Variants in PAFAH1B1 observed in about 807,000 individuals in gnomAD.
PAFAH1B1 encodes the protein platelet-activating factor acetylhydrolase IB subunit beta.
A neutral mutation model predicts 57.5 loss-of-function variants in PAFAH1B1; 2 were observed. The ratio of observed to expected loss-of-function variants is 0.03; its 90% CI spans 0.01 to 0.11. The LOEUF is 0.11. Ranked by LOEUF, PAFAH1B1 falls within the 10% of genes least tolerant of loss-of-function variation. The pLI is 1.00. For synonymous variants in PAFAH1B1, 152 were observed against 169.6 expected, an observed-to-expected ratio of 0.90 and a Z score of 0.81; for missense variants, 257 against 512.0, an observed-to-expected ratio of 0.50 and a Z score of 4.81.
chr17:2,670,339 G>A lies in PAFAH1B1; in HGVS notation c.568+8G>A, dbSNP rs746076254. 8.1e-6 allele frequency: 13 copies of A among 1,608,824 alleles called. No individual in the cohort carries two copies. Among genetic ancestry groups the A allele is most frequent in the Non-Finnish European group, 1.1e-5 (13 of 1,175,280 alleles). On this transcript the variant is annotated splice_region_variant and intron_variant, in intron 6 of 10. Coordinates refer to ENST00000397195, the MANE Select transcript of PAFAH1B1 (RefSeq NM_000430.4). ...GCATCAGAACCATGCACGGTAAGGG[G>A]TAGAGGATAGTGCTTTAACAGTAAT...
At chr17:2,623,283 T>C (rs1251428173) in intron 1 of PAFAH1B1, among the ~76,000 whole-genome samples, 103 of 68,662 alleles carry the variant, frequency 1.5e-3, no homozygotes, top group Admixed American at 2.3e-3. Context: ...TTTTTTTTTT[T>C]CCCTGAGAGG....
chr17:2,649,301 A>C (rs1312177609), intron 2 of PAFAH1B1, among the ~76,000 whole-genome samples: 2 of 151,858 alleles, frequency 1.3e-5, no homozygotes, highest in Non-Finnish European at 2.9e-5. Context: ...GGCCAGGTGC[A>C]GTGGCTCACA....
intron 2 of PAFAH1B1, among the ~76,000 whole-genome samples, chr17:2,646,769 G>T (rs1374294368): frequency 1.3e-5 from 2 of 152,200 alleles, no homozygotes; most frequent in Non-Finnish European, 2.9e-5. Context: ...ATTAAATATA[G>T]AGAACATTGT....
intron 2 of PAFAH1B1, among the ~76,000 whole-genome samples, chr17:2,645,266 C>A (rs1425390462): frequency 1.3e-5 from 2 of 151,920 alleles, no homozygotes; most frequent in Non-Finnish European, 2.9e-5. Context: ...CAAAAGTGTT[C>A]TTCAAGCAAA....
At chr17:2,658,738 AC>A (rs2068972979) in intron 2 of PAFAH1B1, among the ~76,000 whole-genome samples, 1 of 152,194 alleles carries the variant, frequency 6.6e-6, no homozygotes, top group Non-Finnish European at 1.5e-5. Flanking sequence ...CTCTTGCTGA[AC>A]TTGTACTTGT....
intron 1 of PAFAH1B1, among the ~76,000 whole-genome samples, chr17:2,631,436 T>G (rs1789328049): frequency 6.6e-6 from 1 of 152,148 alleles, no homozygotes; most frequent in African/African-American, 2.4e-5. Flanking sequence ...AGAGAATTCC[T>G]TCTCCCTGTG....
chr17:2,664,694 T>TCTCTCTCTCTCTCTCTCTCTCTCTC (rs1567554200), intron 2 of PAFAH1B1, among the ~76,000 whole-genome samples: 1 of 114,460 alleles, frequency 8.7e-6, no homozygotes, highest in Non-Finnish European at 2.0e-5. Context: ...CTCTCTCTCT[T>TCTCTCTCTCTCTCTCTCTCTCTCTC]TCTCTCTCCA....
intron 1 of PAFAH1B1, among the ~76,000 whole-genome samples, chr17:2,624,646 G>C (rs8074698): frequency 0.42 from 64,261 of 152,000 alleles, 16,170 homozygotes; most frequent in African/African-American, 0.71. Context: ...GTTACCTCCC[G>C]CTGGGTCCCT....
At chr17:2,676,803 A>G (rs921868668) in intron 9 of PAFAH1B1, among the ~76,000 whole-genome samples, 197 bp downstream of exon 9, 2 of 152,232 alleles carry the variant, frequency 1.3e-5, no homozygotes, top group Admixed American at 6.5e-5. Context: ...GATTCTATAA[A>G]GAATCTGTAG....
intron 2 of PAFAH1B1, among the ~76,000 whole-genome samples, chr17:2,652,327 A>C (rs1032401180): frequency 2.0e-5 from 3 of 152,166 alleles, no homozygotes; most frequent in Admixed American, 6.5e-5. Flanking sequence ...AGGCAGGAGA[A>C]TGGCGTGAAC....
At position 2,685,103 on chromosome 17, in the gene PAFAH1B1, A is replaced by C. The variant is rs2069455046; in HGVS notation, c.*3301A>C. The C allele has an allele frequency of 6.9e-6, 1 of 145,780 alleles. No homozygotes were observed. Among genetic ancestry groups the C allele is most frequent in the Non-Finnish European group, 1.5e-5 (1 of 67,336 alleles). 9.0% of individuals were successfully genotyped at this position (145,780 alleles called of 1,614,324 possible). ...TGTGTTCATCTAGATGACGCAAAGA[A>C]TCTCCTGGTAGAGAAGCGACATGTA... On this transcript the variant is annotated 3_prime_UTR_variant, in exon 11 of 11. Transcript: ENST00000397195.
chr17:2,593,590 G>GGGCGGCGGCGGCGGCGGCGGCGGCGGC (rs552674446), upstream of PAFAH1B1, among the ~76,000 whole-genome samples: 103 of 148,770 alleles, frequency 6.9e-4, no homozygotes, highest in Non-Finnish European at 1.2e-3. Flanking sequence ...GGCGGGTCTG[G>GGGCGGCGGCGGCGGCGGCGGCGGCGGC]GGCGGCGGCG....
Position 2,670,307 on chromosome 17 carries a change from T to G in PAFAH1B1, c.544T>G (p.Phe182Val). The change falls in exon 6 of 11, where the codon TTT becomes GTT. Residue 182 changes from phenylalanine (F) to valine (V), a missense_variant. Physicochemically the swap from Phe to Val is conservative, Grantham distance 50. Coordinates refer to ENST00000397195, the MANE Select transcript of PAFAH1B1 (RefSeq NM_000430.4). ...MTIKLWDFQGFECIRTMHGHD... is the reference protein window; with the variant it reads ...MTIKLWDFQGVECIRTMHGHD... ...CATTAAACTATGGGATTTTCAGGGCTTTGAATGCATCAGAACCATGCACGG... is the reference window on the plus strand; with the variant it reads ...CATTAAACTATGGGATTTTCAGGGCGTTGAATGCATCAGAACCATGCACGG... The G allele has an allele frequency of 6.2e-7, 1 of 1,614,164 alleles. No individual in the cohort carries two copies. Among genetic ancestry groups the G allele is most frequent in the Non-Finnish European group, 8.5e-7 (1 of 1,179,986 alleles).
At chr17:2,619,749 A>G (rs1046541279) in intron 1 of PAFAH1B1, among the ~76,000 whole-genome samples, 5 of 152,184 alleles carry the variant, frequency 3.3e-5, no homozygotes, top group South Asian at 2.1e-4. Flanking sequence ...AGGCTTAATG[A>G]GGAAACTGGG....
At chr17:2,601,037 T>A (rs2068137543) in intron 1 of PAFAH1B1, among the ~76,000 whole-genome samples, 1 of 152,176 alleles carries the variant, frequency 6.6e-6, no homozygotes, top group African/African-American at 2.4e-5. Flanking sequence ...TGGCCTTGGT[T>A]AACTTTTTAT....
chr17:2,667,496 GC>G (rs894168267), intron 5 of PAFAH1B1: 1 of 345,222 alleles, frequency 2.9e-6, no homozygotes, highest in Non-Finnish European at 5.6e-6. Flanking sequence ...GAGGCATGCT[GC>G]CAGGTAAGTT....
intron 1 of PAFAH1B1, among the ~76,000 whole-genome samples, chr17:2,622,244 A>C (rs1318707581): frequency 6.6e-6 from 1 of 152,198 alleles, no homozygotes. Context: ...GCAGTCCTGC[A>C]AAGTCTTAAC....
At chr17:2,621,607 C>CTTTTT (rs534219431) in intron 1 of PAFAH1B1, among the ~76,000 whole-genome samples, 2 of 84,784 alleles carry the variant, frequency 2.4e-5, no homozygotes, top group South Asian at 3.7e-4. Context: ...GATAATCTGT[C>CTTTTT]TTTTTTTTTT....
intron 1 of PAFAH1B1, among the ~76,000 whole-genome samples, chr17:2,614,301 A>G (rs1009401077): frequency 1.3e-5 from 2 of 151,958 alleles, no homozygotes; most frequent in Non-Finnish European, 2.9e-5. Context: ...GTGCTGGATT[A>G]GTGAGCCGTG....
Sources: gnomAD v4.1 joint callset for allele counts (sites outside exome capture counted in the v4.1 genomes callset) on GRCh38, gnomAD v4.1.1 for gene constraint, MANE v1.5 for transcripts, NCBI Gene and HGNC (gene_info 2026-07-23, HGNC 2026-07-21) for gene names.